ARHGAP39: variants seen among roughly 807,000 people sequenced by gnomAD.
The protein encoded by ARHGAP39 is Rho GTPase activating protein 39.
A neutral mutation model predicts 106.9 loss-of-function variants in ARHGAP39; 44 were observed. That is an observed-to-expected ratio of 0.41 (90% CI 0.32 to 0.53). The LOEUF is 0.53. Among genes scored for constraint, ARHGAP39 ranks in the 20% least tolerant of loss-of-function variants. The probability of loss-of-function intolerance (pLI) is 0.21; values close to 1 mark genes in which losing one functional copy is unlikely to be tolerated. For missense variants in ARHGAP39, 1,496 were observed against 1,577.3 expected, an observed-to-expected ratio of 0.95 and a Z score of 0.87; for synonymous variants, 768 against 693.2, an observed-to-expected ratio of 1.11 and a Z score of -1.69.
chr8:144,554,228 C>T (rs1586898734), intron 4 of ARHGAP39, among the ~76,000 whole-genome samples: 1 of 152,262 alleles, frequency 6.6e-6, no homozygotes, highest in East Asian at 1.9e-4. Context: ...AGAGGCGGCT[C>T]CATGGGGCTG....
At chr8:144,694,972 A>G in the ARHGAP39 span, among the ~76,000 whole-genome samples, 1 of 152,032 alleles carries the variant, frequency 6.6e-6, no homozygotes, top group South Asian at 2.1e-4. Flanking sequence ...GATTGTTCAC[A>G]CATGAGTTTT....
At chr8:144,596,287 G>A (rs1237762244) in intron 2 of ARHGAP39, among the ~76,000 whole-genome samples, 13 of 150,462 alleles carry the variant, frequency 8.6e-5, no homozygotes, top group African/African-American at 2.4e-4. Context: ...TCGCCACCCC[G>A]GCACTCTCCA....
the ARHGAP39 span, among the ~76,000 whole-genome samples, chr8:144,697,581 G>A: frequency 2.0e-5 from 3 of 151,810 alleles, no homozygotes; most frequent in South Asian, 2.1e-4. Context: ...GTGCAATGGC[G>A]TGATCTCAGC....
chr8:144,639,273 C>T (rs916482524), intron 1 of ARHGAP39, among the ~76,000 whole-genome samples: 3 of 147,852 alleles, frequency 2.0e-5, no homozygotes, highest in Non-Finnish European at 4.4e-5. Context: ...TTGCAGTGAG[C>T]TGAGATCGCA....
chr8:144,546,373 C>T (rs1374044052), intron 5 of ARHGAP39, among the ~76,000 whole-genome samples: 14 of 152,138 alleles, frequency 9.2e-5, no homozygotes, highest in Non-Finnish European at 2.1e-4. Context: ...GAGAAGTGGA[C>T]AGAATCACGG....
chr8:144,619,832 G>T (rs1419700679), intron 1 of ARHGAP39, among the ~76,000 whole-genome samples: 2 of 150,578 alleles, frequency 1.3e-5, no homozygotes, highest in Non-Finnish European at 3.0e-5. Context: ...CTGAGAGTGT[G>T]TGTGCCCATG....
At chr8:144,633,137 G>GTTT (rs201017011) in intron 1 of ARHGAP39, among the ~76,000 whole-genome samples, 1 of 149,870 alleles carries the variant, frequency 6.7e-6, no homozygotes, top group Non-Finnish European at 1.5e-5. Context: ...GCAAGACCCT[G>GTTT]TTTTTTTTTG....
intron 9 of ARHGAP39, 38 bp from the exon 10 acceptor site, chr8:144,532,434 T>G: frequency 1.3e-6 from 2 of 1,573,404 alleles, no homozygotes; most frequent in Non-Finnish European, 8.7e-7. Context: ...AACAGGAGCC[T>G]GTGCTGCGGC....
At chr8:144,673,996 C>A (rs1339952447) in intron 1 of ARHGAP39, among the ~76,000 whole-genome samples, 1 of 152,250 alleles carries the variant, frequency 6.6e-6, no homozygotes, top group African/African-American at 2.4e-5. Flanking sequence ...CATCCAGAAG[C>A]TTGGAGATGC....
rs1294522917 is a variant in ARHGAP39, at chr8:144,647,175, G to C, written c.-82+38511C>G. Among the ~76,000 whole-genome samples, 1 of 151,854 alleles carries C rather than the reference G, an allele frequency of 6.6e-6. No individual in the cohort carries two copies. Among genetic ancestry groups the C allele is most frequent in the Non-Finnish European group, 1.5e-5 (1 of 67,968 alleles). On this transcript the variant is annotated intron_variant, in intron 1 of 11. Transcript: ENST00000377307. The surrounding 1 kb of genome is among the most constrained non-coding windows in gnomAD (Gnocchi z 4.8). ...GTAGAGACGGGGTTTCACCATGTTA[G>C]CCAGGATGGTCTTGATCTCTTGACC...
At chr8:144,687,855 G>A (rs1214740369), upstream of ARHGAP39, among the ~76,000 whole-genome samples, 3 of 126,820 alleles carry the variant, frequency 2.4e-5, no homozygotes, top group Admixed American at 8.8e-5. Context: ...CTAGCAGTGA[G>A]CACTTCCCAC....
rs774715720 is a variant in ARHGAP39 at position 144,547,414 on chromosome 8, G to A, written c.1672C>T (p.Arg558Trp). ...GCCTGCTGCGCCTCCCAGGCCAGCC[G>A]AGCCTGCGCCAGGAAGGGCTCGGCC... is the stretch of plus-strand genomic sequence containing the variant. Reference protein sequence around the residue: ...GAAEPFLAQARLAWEAQQAHF... With the variant: ...GAAEPFLAQAWLAWEAQQAHF... The change falls in exon 5 of 12, where the codon CGG (arginine) becomes TGG (tryptophan). Residue 558 changes from arginine to tryptophan, a missense_variant. Coordinates refer to ENST00000377307, the MANE Select transcript of ARHGAP39 (RefSeq NM_025251.3). The surrounding 1 kb of genome is among the most constrained non-coding windows in gnomAD (Gnocchi z 5.2). 55 of 1,591,538 alleles carry A rather than the reference G, an allele frequency of 3.5e-5. No individual in the cohort carries two copies. Among genetic ancestry groups the A allele is most frequent in the Non-Finnish European group, 4.5e-5 (53 of 1,175,848 alleles).
At chr8:144,616,570 G>C (rs971218897) in intron 1 of ARHGAP39, among the ~76,000 whole-genome samples, 6 of 152,204 alleles carry the variant, frequency 3.9e-5, no homozygotes, top group Non-Finnish European at 5.9e-5. Context: ...TCCAGGGTAA[G>C]AGATGAGGCT....
At chr8:144,603,775 G>A (rs1820174797) in intron 2 of ARHGAP39, among the ~76,000 whole-genome samples, 1 of 151,682 alleles carries the variant, frequency 6.6e-6, no homozygotes, top group African/African-American at 2.4e-5. Context: ...ACCTTGTTCT[G>A]TAAGACCAGT....
At position 144,647,246 on chromosome 8, in the gene ARHGAP39, C is replaced by T. The variant is rs775678384; in HGVS notation, c.-82+38440G>A. On this transcript the variant is annotated intron_variant, in intron 1 of 11. Coordinates refer to ENST00000377307, the MANE Select transcript of ARHGAP39 (RefSeq NM_025251.3). This position sits in a 1 kb window ranked among gnomAD's most constrained non-coding sequence, Gnocchi z 4.8. ...CCTCCCAAACTGCTGGGATTACAGC[C>T]GTGAGCCACTGCGCCCGGCCTGCTC... is the stretch of plus-strand genomic sequence containing the variant. 5.3e-5 allele frequency among the ~76,000 whole-genome samples: 8 copies of T among 152,074 alleles called. No individual in the cohort carries two copies. The highest frequency in any genetic ancestry group is 9.7e-5 in the African/African-American group (4 of 41,422).
intron 3 of ARHGAP39, among the ~76,000 whole-genome samples, chr8:144,557,915 C>G (rs1299259935): frequency 1.3e-5 from 2 of 152,186 alleles, no homozygotes; most frequent in East Asian, 3.8e-4. Context: ...ACAAAAGATT[C>G]AAATATTTGA....
rs1015225630 is a variant in ARHGAP39, at chr8:144,604,369, ACT to A, written c.80+1164_80+1165del. Reference sequence around the variant, plus strand: ...CTGTCAGACAAACCCAAACCAAGGAACTCTCTATTTTACTTTATTTACTGTGA... The same window carrying A: ...CTGTCAGACAAACCCAAACCAAGGAACTCTATTTTACTTTATTTACTGTGA... On this transcript the variant is annotated intron_variant, in intron 2 of 11. Transcript: ENST00000377307. The surrounding 1 kb of genome is among the most constrained non-coding windows in gnomAD (Gnocchi z 4.1). 3.9e-5 allele frequency among the ~76,000 whole-genome samples: 6 copies of A among 151,926 alleles called. No homozygotes were observed. The East Asian group carries it at 9.7e-4, about 25-fold the overall frequency.
At chr8:144,567,280 A>G (rs538883967) in intron 3 of ARHGAP39, among the ~76,000 whole-genome samples, 113 of 152,348 alleles carry the variant, frequency 7.4e-4, no homozygotes, top group African/African-American at 2.3e-3. Context: ...CAGGCCATAC[A>G]GAGATAGGAA....
intron 1 of ARHGAP39, among the ~76,000 whole-genome samples, chr8:144,609,718 A>G (rs1305630009): frequency 6.6e-6 from 1 of 152,038 alleles, no homozygotes; most frequent in East Asian, 1.9e-4. Context: ...TCCTTTTTAT[A>G]TATTCTCAAA....
Sources: gnomAD v4.1 joint callset for allele counts (sites outside exome capture counted in the v4.1 genomes callset) on GRCh38, gnomAD v4.1.1 for gene constraint, Gnocchi (gnomAD v3.1) non-coding constraint, MANE v1.5 for transcripts, NCBI Gene and HGNC (gene_info 2026-07-23, HGNC 2026-07-21) for gene names.